PA2G4: variants seen among roughly 807,000 people sequenced by gnomAD.
PA2G4 encodes proliferation-associated 2G4, also known as proliferation-associated protein 2G4.
In PA2G4, 8 loss-of-function variants were observed where a neutral mutation model predicts 53.3. That is an observed-to-expected ratio of 0.15 (90% CI 0.09 to 0.27). The LOEUF (loss-of-function observed/expected upper bound fraction) is 0.27. Ranked by LOEUF, PA2G4 falls within the 10% of genes least tolerant of loss-of-function variation. The probability of loss-of-function intolerance (pLI) is 1.00; values close to 1 mark genes in which losing one functional copy is unlikely to be tolerated. For missense variants in PA2G4, 208 were observed against 486.8 expected (o/e 0.43, Z 5.39); for synonymous variants, 143 against 169.8 (o/e 0.84, Z 1.23).
At chr12:56,111,332 T>G (rs371517323) in intron 11 of PA2G4, 23 bp downstream of exon 11, 2 of 1,613,932 alleles carry the variant, frequency 1.2e-6, no homozygotes, top group Non-Finnish European at 1.7e-6. Flanking sequence ...TAGAAGGTGG[T>G]GAGTATGTAC....
At position 56,113,000 on chromosome 12, in the gene PA2G4, G is replaced by C; in HGVS notation, c.*112G>C. On this transcript the variant is annotated 3_prime_UTR_variant, in exon 13 of 13. Transcript: ENST00000303305. ...CCTAGGACCGCCAGCAGAGCGGGGG[G>C]ATCTCCCTGCCCCCACCCCAGTTCC... 1.5e-6 allele frequency: 1 copy of C among 651,628 alleles called. No homozygotes were observed. The highest frequency in any genetic ancestry group is 2.2e-5 in the South Asian group (1 of 44,906). The allele number at this position is 651,628 out of a possible 1,614,324, so 40.4% of individuals were successfully genotyped here. A position where few individuals can be genotyped will look rare whatever the true frequency, so the allele number is the denominator to read the frequency against.
chr12:56,104,732 A>G lies in PA2G4; in HGVS notation c.-6A>G. 6.2e-7 allele frequency: 1 copy of G among 1,613,452 alleles called. No individual in the cohort carries two copies. The highest frequency in any genetic ancestry group is 1.1e-5 in the South Asian group (1 of 91,044). On this transcript the variant is annotated 5_prime_UTR_variant, in exon 1 of 13. Transcript: ENST00000303305. ...GAAACGAGGCTGCAGTGGTGGTAGT[A>G]GGAAGATGTCGGGCGAGGACGAGCA...
In PA2G4 at chr12:56,111,351, C is replaced by T. The variant is rs750695763; in HGVS notation, c.1065+42C>T. 3.1e-6 allele frequency: 5 copies of T among 1,613,112 alleles called. No homozygotes were observed. In the Admixed American group the frequency reaches 6.7e-5, roughly 22 times the overall value. On this transcript the variant is annotated intron_variant, in intron 11 of 12. Coordinates refer to ENST00000303305, the MANE Select transcript of PA2G4 (RefSeq NM_006191.3). ...AGGTGGTGAGTATGTACATGGTATC[C>T]TGCTTGGGAGTGAGGGCTAAATGCC...
chr12:56,110,769 C>A, intron 9 of PA2G4, 77 bp downstream of exon 9: 3 of 1,561,672 alleles, frequency 1.9e-6, no homozygotes, highest in Non-Finnish European at 2.6e-6. Context: ...CCTCTCCCTT[C>A]CTGCCTAGAC....
At chr12:56,110,799 ACTCC>A (rs2136841996) in intron 9 of PA2G4, 107 bp downstream of exon 9, 7 of 1,404,382 alleles carry the variant, frequency 5.0e-6, no homozygotes, top group South Asian at 1.2e-5. Context: ...GCATGTGCTC[ACTCC>A]CTCCCTCTCT....
chr12:56,109,540 A>C (rs1256139458), intron 6 of PA2G4, among the ~76,000 whole-genome samples: 1 of 151,340 alleles, frequency 6.6e-6, no homozygotes, highest in Non-Finnish European at 1.5e-5. Flanking sequence ...TAATCGCTTG[A>C]ACCCGGGAGG....
intron 5 of PA2G4, 69 bp from the exon 6 acceptor site, chr12:56,109,158 GCTT>G: frequency 1.2e-6 from 1 of 828,162 alleles, no homozygotes; most frequent in Non-Finnish European, 2.0e-6. Flanking sequence ...GTTCTTTTAT[GCTT>G]CTTATTCTCA....
At chr12:56,111,605 G>A (rs2136842738) in intron 12 of PA2G4, 76 bp downstream of exon 12, 1 of 1,311,564 alleles carries the variant, frequency 7.6e-7, no homozygotes, top group East Asian at 2.3e-5. Flanking sequence ...AAGTTGTAGT[G>A]AAATACGGAT....
At chr12:56,108,701 G>GT (rs962589028) in intron 5 of PA2G4, among the ~76,000 whole-genome samples, 1 of 152,180 alleles carries the variant, frequency 6.6e-6, no homozygotes, top group African/African-American at 2.4e-5. Flanking sequence ...CAACTTATGA[G>GT]TTTTTTGGAG....
chr12:56,113,155 C>T lies in PA2G4; in HGVS notation c.*267C>T, dbSNP rs2136844040. 3.2e-6 allele frequency: 1 copy of T among 316,398 alleles called. No individual in the cohort carries two copies. Among genetic ancestry groups the T allele is most frequent in the East Asian group, 6.7e-5 (1 of 15,022 alleles). The allele number at this position is 316,398 out of a possible 1,614,324, so 19.6% of individuals were successfully genotyped here. A position where few individuals can be genotyped will look rare whatever the true frequency, so the allele number is the denominator to read the frequency against. ...AATAATAAAATCAGGAGTCAAAATTCATCGTCTTCAAGCCCCTCTTTCTAG... is the reference window on the plus strand; with the variant it reads ...AATAATAAAATCAGGAGTCAAAATTTATCGTCTTCAAGCCCCTCTTTCTAG... On this transcript the variant is annotated 3_prime_UTR_variant, in exon 13 of 13. Coordinates refer to ENST00000303305, the MANE Select transcript of PA2G4 (RefSeq NM_006191.3).
intron 6 of PA2G4, 54 bp downstream of exon 6, chr12:56,109,347 C>T (rs1183804189): frequency 2.5e-5 from 33 of 1,319,432 alleles, no homozygotes; most frequent in East Asian, 4.7e-5. Flanking sequence ...TTGCCAGGTG[C>T]GGTGGCTCAC....
At chr12:56,110,044 G>A (rs1420936552) in intron 7 of PA2G4, 109 bp downstream of exon 7, 1 of 803,014 alleles carries the variant, frequency 1.2e-6, no homozygotes, top group Non-Finnish European at 2.2e-6. Flanking sequence ...GTTTTCAGGA[G>A]TGACCTGTTG....
At chr12:56,112,697 T>C (rs572692382) in intron 12 of PA2G4, 126 bp from the exon 13 acceptor site, 32 of 671,884 alleles carry the variant, frequency 4.8e-5, no homozygotes, top group South Asian at 3.0e-4. Flanking sequence ...GTGGTACCAC[T>C]GCACTCCAGC....
chr12:56,104,658 A>T lies in PA2G4; in HGVS notation c.-80A>T. On this transcript the variant is annotated 5_prime_UTR_variant, in exon 1 of 13. Transcript: ENST00000303305. ...CTCCTCGAGGATCGAGGGGACTCTG[A>T]CCACAGCCTGTGGCTGGGAAGGGAG... 1.5e-6 allele frequency: 2 copies of T among 1,313,842 alleles called. No homozygotes were observed. The highest frequency in any genetic ancestry group is 2.2e-6 in the Non-Finnish European group (2 of 905,868). The allele number at this position is 1,313,842 out of a possible 1,614,324, so 81.4% of individuals were successfully genotyped here.
Position 56,109,293 on chromosome 12 carries a change from G to A in PA2G4, c.550G>A (p.Gly184Ser). The change falls in exon 6 of 13, where the codon GGT becomes AGT. Residue 184 changes from glycine to serine, a missense_variant and splice_region_variant. Transcript: ENST00000303305. ...CTCATTTAACTGCACGCCAATAGAA[G>A]GTGAGAACAGATAACAGGGTTGAGG... ...AHSFNCTPIE[G>S]MLSHQLKQHV... The A allele has an allele frequency of 6.2e-7, 1 of 1,607,908 alleles. No individual in the cohort carries two copies. The highest frequency in any genetic ancestry group is 8.5e-7 in the Non-Finnish European group (1 of 1,176,390).
At chr12:56,105,403 G>C (rs1869279567) in intron 1 of PA2G4, among the ~76,000 whole-genome samples, 1 of 152,134 alleles carries the variant, frequency 6.6e-6, no homozygotes, top group Non-Finnish European at 1.5e-5. Context: ...TACCCTGGTG[G>C]GGGCCCCCTT....
chr12:56,107,151 C>T (rs1402216858), intron 3 of PA2G4, 36 bp from the exon 4 acceptor site: 3 of 1,601,200 alleles, frequency 1.9e-6, no homozygotes, highest in East Asian at 2.2e-5. Context: ...TACAAAATGC[C>T]AGTTCCTAAT....
chr12:56,110,726 G>C (rs1869402604), intron 9 of PA2G4, 34 bp downstream of exon 9: 1 of 1,612,572 alleles, frequency 6.2e-7, no homozygotes, highest in Non-Finnish European at 8.5e-7. Flanking sequence ...GAACCAGTCT[G>C]ACTCACAGAC....
chr12:56,106,386 A>T, intron 1 of PA2G4: 1 of 439,218 alleles, frequency 2.3e-6, no homozygotes, highest in Non-Finnish European at 3.8e-6. Flanking sequence ...GGAAAGTCTG[A>T]GGCCTTGCCT....
Sources: gnomAD v4.1 joint callset for allele counts (sites outside exome capture counted in the v4.1 genomes callset) on GRCh38, gnomAD v4.1.1 for gene constraint, MANE v1.5 for transcripts, NCBI Gene and HGNC (gene_info 2026-07-23, HGNC 2026-07-21) for gene names.